PTPN12: variants seen among roughly 807,000 people sequenced by gnomAD.
PTPN12 encodes the protein tyrosine-protein phosphatase non-receptor type 12.
In PTPN12, 29 loss-of-function variants were observed where a neutral mutation model predicts 97.6. The ratio of observed to expected loss-of-function variants is 0.30; its 90% confidence interval spans 0.22 to 0.41. The LOEUF is 0.41. PTPN12 is among the 10% of genes least tolerant of loss of function. The pLI is 1.00. For synonymous variants in PTPN12, 327 were observed against 300.4 expected (o/e 1.09, Z -0.91); for missense variants, 819 against 926.0 (o/e 0.88, Z 1.50).
chr7:77,558,872 G>A (rs1018587511), intron 1 of PTPN12, among the ~76,000 whole-genome samples: 7 of 152,198 alleles, frequency 4.6e-5, no homozygotes, highest in African/African-American at 1.7e-4. Flanking sequence ...TTAGCCAGAT[G>A]TCATGGTGTG....
intron 6 of PTPN12, among the ~76,000 whole-genome samples, chr7:77,596,923 G>A (rs1788039622): frequency 6.6e-6 from 1 of 152,108 alleles, no homozygotes; most frequent in Admixed American, 6.5e-5. Flanking sequence ...CATTCTTGGT[G>A]CTATACATTC....
rs571671883 is a variant in PTPN12, at chr7:77,632,246, A to G, written c.1997-102A>G. The G allele has an allele frequency of 6.2e-5, 55 of 882,456 alleles. 1 individual carries two copies. The Admixed American group carries it at 1.1e-3, about 18-fold the overall frequency. 54.7% of individuals were successfully genotyped at this position (882,456 alleles called of 1,614,324 possible). A position where few individuals can be genotyped will look rare whatever the true frequency, so the allele number is the denominator to read the frequency against. ...CATTTTTTTGCATTTTTAAAAACTG[A>G]TCTAGATATTTGTGACAGGAATTTT... On this transcript the variant is annotated intron_variant, in intron 13 of 17. Coordinates refer to ENST00000248594, the MANE Select transcript of PTPN12 (RefSeq NM_002835.4).
Position 77,626,968 on chromosome 7 carries a change from T to A in PTPN12, c.1289T>A (p.Leu430Ter). ...ACAATTGAACAGATAGATAAAAAAT[T>A]GGAACGAAATTTAAGTTTTGAGATT... ...ESTIEQIDKK[L>*]ERNLSFEIKK... is the part of the protein sequence containing the mutation. The change falls in exon 13 of 18, where the codon TTG (leucine) becomes TAG (stop). Residue 430 changes from leucine (L) to a stop codon, truncating the protein, a stop_gained. Transcript: ENST00000248594. LOFTEE classifies it high-confidence loss of function. 1 of 1,610,096 alleles carries A rather than the reference T, an allele frequency of 6.2e-7. No homozygotes were observed. The highest frequency in any genetic ancestry group is 8.5e-7 in the Non-Finnish European group (1 of 1,178,892).
intron 1 of PTPN12, among the ~76,000 whole-genome samples, chr7:77,563,168 A>C (rs536007676): frequency 7.9e-5 from 12 of 152,210 alleles, no homozygotes; most frequent in Non-Finnish European, 1.3e-4. Flanking sequence ...GATGAAACCT[A>C]GGAATTGAAC....
chr7:77,597,792 CT>C, intron 6 of PTPN12, 49 bp from the exon 7 acceptor site: 1 of 1,577,880 alleles, frequency 6.3e-7, no homozygotes, highest in Non-Finnish European at 8.6e-7. Context: ...TTTGATGTGT[CT>C]TTTTGTTTTA....
intron 12 of PTPN12, among the ~76,000 whole-genome samples, chr7:77,625,563 C>CTTTTTTTTTTTTTT (rs761274993): frequency 3.6e-5 from 1 of 27,776 alleles, no homozygotes; most frequent in Non-Finnish European, 5.5e-5. Flanking sequence ...CGCTCTCTCT[C>CTTTTTTTTTTTTTT]TCTTTTTTTT....
At chr7:77,632,498 A>G (rs1194600723) in intron 14 of PTPN12, 73 bp downstream of exon 14, 2 of 1,122,330 alleles carry the variant, frequency 1.8e-6, no homozygotes, top group Non-Finnish European at 2.7e-6. Flanking sequence ...CCTGATTTTA[A>G]TCTATTAGCT....
At chr7:77,581,822 G>A (rs546719670) in intron 3 of PTPN12, among the ~76,000 whole-genome samples, 15 of 152,098 alleles carry the variant, frequency 9.9e-5, no homozygotes, top group South Asian at 2.1e-4. Flanking sequence ...ATCAATCCCC[G>A]TTGTTGACCC....
intron 1 of PTPN12, chr7:77,538,245 C>A: frequency 2.8e-6 from 1 of 351,458 alleles, no homozygotes; most frequent in Non-Finnish European, 4.0e-6. Context: ...CATGGGTTTA[C>A]CTAATTTCCA....
At chr7:77,603,342 A>G (rs1409480922) in intron 8 of PTPN12, among the ~76,000 whole-genome samples, 2 of 152,254 alleles carry the variant, frequency 1.3e-5, no homozygotes, top group African/African-American at 2.4e-5. Context: ...GACAATCAAA[A>G]CAGTACGTTA....
intron 1 of PTPN12, among the ~76,000 whole-genome samples, chr7:77,554,670 A>G (rs1326436973): frequency 2.0e-5 from 3 of 152,184 alleles, no homozygotes; most frequent in African/African-American, 7.2e-5. Context: ...GTCTGTGGCA[A>G]CAGATTCTCT....
chr7:77,586,631 C>T (rs953518971), intron 5 of PTPN12, among the ~76,000 whole-genome samples: 2 of 152,176 alleles, frequency 1.3e-5, no homozygotes, highest in African/African-American at 4.8e-5. Context: ...ATTGTCTCTT[C>T]CTTTCATGAA....
intron 7 of PTPN12, among the ~76,000 whole-genome samples, chr7:77,598,573 C>T (rs2151357026): frequency 6.6e-6 from 1 of 152,136 alleles, no homozygotes; most frequent in East Asian, 1.9e-4. Context: ...ATCCCAGCTA[C>T]TCAGGAGGCT....
chr7:77,632,543 A>G, intron 14 of PTPN12, 118 bp downstream of exon 14: 1 of 736,706 alleles, frequency 1.4e-6, no homozygotes, highest in South Asian at 1.8e-5. Context: ...AAACAAGTAA[A>G]TTGATGTTGA....
chr7:77,537,389 G>C lies in PTPN12; in HGVS notation c.-158G>C. ...CCCAGCCGGTGCCGCCGCAGCCGCC[G>C]CCTAGGGCGGTGGGGAGGAGGAGGG... is the stretch of plus-strand genomic sequence containing the variant. On this transcript the variant is annotated 5_prime_UTR_variant, in exon 1 of 18. Coordinates refer to ENST00000248594, the MANE Select transcript of PTPN12 (RefSeq NM_002835.4). The C allele has an allele frequency of 9.1e-7, 1 of 1,096,148 alleles. No individual in the cohort carries two copies. The allele number at this position is 1,096,148 out of a possible 1,614,324, so 67.9% of individuals were successfully genotyped here.
chr7:77,611,163 C>T, intron 11 of PTPN12, 117 bp downstream of exon 11: 1 of 742,162 alleles, frequency 1.3e-6, no homozygotes, highest in Non-Finnish European at 2.2e-6. Context: ...ATCCAGGACA[C>T]TTAACATTTT....
chr7:77,625,451 G>C (rs1258452815), intron 12 of PTPN12, among the ~76,000 whole-genome samples: 1 of 79,892 alleles, frequency 1.3e-5, no homozygotes, highest in South Asian at 4.3e-4. Context: ...ACAGGGTTTT[G>C]CCATATTGCC....
intron 15 of PTPN12, among the ~76,000 whole-genome samples, chr7:77,636,098 T>G (rs975552198): frequency 3.3e-5 from 5 of 152,168 alleles, no homozygotes; most frequent in African/African-American, 1.2e-4. Context: ...CAAGCTGTTT[T>G]TGAAATATGT....
chr7:77,608,232 T>C (rs887775987), intron 9 of PTPN12, among the ~76,000 whole-genome samples: 1 of 152,232 alleles, frequency 6.6e-6, no homozygotes, highest in Non-Finnish European at 1.5e-5. Flanking sequence ...ACTAATCCCA[T>C]AGTGCCTCTA....
Sources: allele counts gnomAD v4.1 joint callset (sites outside exome capture counted in the v4.1 genomes callset), GRCh38; gene constraint gnomAD v4.1.1; transcripts MANE v1.5; gene names NCBI Gene and HGNC (gene_info 2026-07-23, HGNC 2026-07-21).